Variants in GPC6 observed in about 807,000 individuals in gnomAD.
The protein encoded by GPC6 is glypican 6.
GPC6 carries 14 observed loss-of-function variants against 55.2 expected under a neutral mutation model. That is an observed-to-expected ratio of 0.25 (90% CI 0.17 to 0.40). The LOEUF (loss-of-function observed/expected upper bound fraction) is 0.40. GPC6 is among the 10% of genes least tolerant of loss of function. The pLI, the probability that GPC6 is intolerant of heterozygous loss-of-function variation, is 1.00. For missense variants in GPC6, 641 were observed against 708.5 expected, an observed-to-expected ratio of 0.90 and a Z score of 1.08; for synonymous variants, 278 against 259.6, an observed-to-expected ratio of 1.07 and a Z score of -0.68.
intron 3 of GPC6, among the ~76,000 whole-genome samples, chr13:93,997,604 T>TGTGTGTGC (rs1555347611): frequency 4.6e-5 from 7 of 150,766 alleles, no homozygotes; most frequent in African/African-American, 1.7e-4. Context: ...TGTGTGTGTG[T>TGTGTGTGC]GTGCATGCAC....
chr13:93,631,307 A>AC lies in GPC6; in HGVS notation c.319+85890dup, dbSNP rs777577309. ...AAATGGCATGAACTTCTGTGGCTCT[A>AC]CCCCAGTGCACACTCCTCCCAGTGC... is the stretch of plus-strand genomic sequence containing the variant. On this transcript the variant is annotated intron_variant, in intron 2 of 8. Transcript: ENST00000377047. Among the ~76,000 whole-genome samples the AC allele has an allele frequency of 2.0e-5, 3 of 152,070 alleles. No individual in the cohort carries two copies. In the East Asian group the frequency reaches 5.8e-4, roughly 30 times the overall value.
At chr13:93,412,171 G>A (rs554898200) in intron 1 of GPC6, among the ~76,000 whole-genome samples, 85 of 152,176 alleles carry the variant, frequency 5.6e-4, no homozygotes, top group African/African-American at 1.9e-3. Context: ...TCTACTTTTA[G>A]AAGGGAAATG....
chr13:94,257,226 CAT>C (rs1891533794), intron 4 of GPC6, among the ~76,000 whole-genome samples: 1 of 152,168 alleles, frequency 6.6e-6, no homozygotes. Flanking sequence ...AAAATCAACA[CAT>C]AACATGGGAG....
chr13:93,278,336 A>G (rs1877830649), intron 1 of GPC6, among the ~76,000 whole-genome samples: 1 of 152,164 alleles, frequency 6.6e-6, no homozygotes, highest in South Asian at 2.1e-4. Flanking sequence ...ACAGTTCGAT[A>G]CTATTAGGTA....
chr13:94,188,406 A>G (rs2138958265), intron 4 of GPC6, among the ~76,000 whole-genome samples: 1 of 152,276 alleles, frequency 6.6e-6, no homozygotes, highest in Middle Eastern at 3.4e-3. Context: ...TACCATCTGT[A>G]TAGGGGAATA....
chr13:93,896,913 T>C (rs984096284), intron 3 of GPC6, among the ~76,000 whole-genome samples: 1 of 150,982 alleles, frequency 6.6e-6, no homozygotes, highest in Non-Finnish European at 1.5e-5. Flanking sequence ...TGAACTTTTA[T>C]TTATAGCTCA....
At chr13:93,877,996 T>G (rs1364952799) in intron 3 of GPC6, among the ~76,000 whole-genome samples, 1 of 152,002 alleles carries the variant, frequency 6.6e-6, no homozygotes. Context: ...GCAGTACATT[T>G]TAAAGTTATC....
At chr13:93,454,344 A>G (rs919089304) in intron 1 of GPC6, among the ~76,000 whole-genome samples, 1 of 126,922 alleles carries the variant, frequency 7.9e-6, no homozygotes, top group African/African-American at 2.8e-5. Flanking sequence ...GCCCCACCAG[A>G]GTAGCTAGAT....
chr13:93,728,825 C>A (rs1329130712), intron 2 of GPC6, among the ~76,000 whole-genome samples: 5 of 152,124 alleles, frequency 3.3e-5, no homozygotes, highest in African/African-American at 1.2e-4. Flanking sequence ...ACCTCGGCCT[C>A]CCAAAGTGCT....
chr13:93,741,975 A>G (rs1884218275), intron 2 of GPC6, among the ~76,000 whole-genome samples: 1 of 152,208 alleles, frequency 6.6e-6, no homozygotes, highest in African/African-American at 2.4e-5. Context: ...AGAAAATGAG[A>G]CAGAACTAAA....
At chr13:94,201,979 A>G (rs1392669297) in intron 4 of GPC6, among the ~76,000 whole-genome samples, 1 of 152,144 alleles carries the variant, frequency 6.6e-6, no homozygotes, top group African/African-American at 2.4e-5. Context: ...CTACATGGCA[A>G]ATGCTAAATA....
intron 1 of GPC6, among the ~76,000 whole-genome samples, chr13:93,367,409 T>C (rs1881290574): frequency 6.6e-6 from 1 of 152,138 alleles, no homozygotes; most frequent in Non-Finnish European, 1.5e-5. Context: ...AGCTTTTTGT[T>C]TCATTGATAA....
At chr13:93,819,868 A>G (rs1886984843) in intron 2 of GPC6, among the ~76,000 whole-genome samples, 1 of 152,186 alleles carries the variant, frequency 6.6e-6, no homozygotes, top group African/African-American at 2.4e-5. Context: ...GAAATAAAAC[A>G]TTTATCAATC....
intron 3 of GPC6, among the ~76,000 whole-genome samples, chr13:93,886,281 A>G (rs1315820974): frequency 6.6e-6 from 1 of 152,136 alleles, no homozygotes; most frequent in South Asian, 2.1e-4. Flanking sequence ...CATTGTTGAA[A>G]AGGCCCAAAA....
At chr13:93,389,426 C>T (rs528663872) in intron 1 of GPC6, among the ~76,000 whole-genome samples, 1 of 151,180 alleles carries the variant, frequency 6.6e-6, no homozygotes, top group Non-Finnish European at 1.5e-5. Context: ...ATGGCGTGAA[C>T]CCAAGAGGTG....
chr13:93,778,254 A>G (rs953880093), intron 2 of GPC6, among the ~76,000 whole-genome samples: 3 of 152,176 alleles, frequency 2.0e-5, no homozygotes, highest in African/African-American at 7.2e-5. Flanking sequence ...CTCCTTTGAC[A>G]GATTTTTTTT....
intron 2 of GPC6, among the ~76,000 whole-genome samples, chr13:93,692,699 C>T (rs1214134532): frequency 6.6e-6 from 1 of 152,008 alleles, no homozygotes; most frequent in Non-Finnish European, 1.5e-5. Flanking sequence ...TCTTCACTCA[C>T]TAGAATTTAT....
intron 6 of GPC6, among the ~76,000 whole-genome samples, chr13:94,364,799 C>G (rs9589973): frequency 0.048 from 7,298 of 152,060 alleles, 569 homozygotes; most frequent in African/African-American, 0.16. Context: ...GTTGGAGTGA[C>G]TATCCATAAA....
chr13:93,473,213 G>A (rs1441541811), intron 1 of GPC6, among the ~76,000 whole-genome samples: 1 of 152,194 alleles, frequency 6.6e-6, no homozygotes, highest in East Asian at 1.9e-4. Flanking sequence ...GCCTCCTGCT[G>A]CCGTCCATGG....
Sources: allele counts gnomAD v4.1 joint callset (sites outside exome capture counted in the v4.1 genomes callset), GRCh38; gene constraint gnomAD v4.1.1; transcripts MANE v1.5; gene names NCBI Gene and HGNC (gene_info 2026-07-23, HGNC 2026-07-21).